DAB1: variants seen among roughly 807,000 people sequenced by gnomAD.
DAB1 encodes the protein DAB adaptor protein 1, also known as disabled homolog 1.
A neutral mutation model predicts 64.6 loss-of-function variants in DAB1; 15 were observed. That is an observed-to-expected ratio of 0.23 (90% confidence interval 0.16 to 0.36). The LOEUF is 0.36. Among genes scored for constraint, DAB1 ranks in the 10% least tolerant of loss-of-function variants. The pLI is 1.00. For missense variants in DAB1, 596 were observed against 706.7 expected, an observed-to-expected ratio of 0.84 and a Z score of 1.78; for synonymous variants, 235 against 251.9, an observed-to-expected ratio of 0.93 and a Z score of 0.64.
intron 5 of DAB1, among the ~76,000 whole-genome samples, chr1:57,899,608 C>T (rs939520577): frequency 4.6e-5 from 7 of 152,094 alleles, no homozygotes; most frequent in African/African-American, 7.2e-5. Context: ...GGACCATCAC[C>T]TCTGCCACCA....
intron 14 of DAB1, among the ~76,000 whole-genome samples, chr1:57,002,748 G>A (rs1385592486): frequency 2.0e-5 from 3 of 152,150 alleles, no homozygotes; most frequent in Admixed American, 6.5e-5. Context: ...TTGCTGTGGG[G>A]GTGGGCCTGC....
At chr1:57,704,367 T>A (rs1646941069) in intron 6 of DAB1, among the ~76,000 whole-genome samples, 1 of 152,174 alleles carries the variant, frequency 6.6e-6, no homozygotes, top group South Asian at 2.1e-4. Context: ...CCATCTGATG[T>A]AACTAATTTA....
chr1:57,211,411 C>G (rs1489629177), intron 2 of DAB1, among the ~76,000 whole-genome samples: 1 of 152,118 alleles, frequency 6.6e-6, no homozygotes, highest in Non-Finnish European at 1.5e-5. Flanking sequence ...AAAGTCTGTT[C>G]TCTTCTCATT....
intron 1 of DAB1, among the ~76,000 whole-genome samples, chr1:57,337,582 A>G (rs1384821297): frequency 6.6e-6 from 1 of 152,172 alleles, no homozygotes; most frequent in Non-Finnish European, 1.5e-5. Flanking sequence ...TGAACACTTT[A>G]TAATGTACCC....
At chr1:58,101,676 G>C (rs821530) in intron 5 of DAB1, among the ~76,000 whole-genome samples, 35,245 of 152,144 alleles carry the variant, frequency 0.23, 4,565 homozygotes, top group East Asian at 0.39. Context: ...ATATGACTTA[G>C]GGCCAGTCAC....
Position 58,134,735 on chromosome 1 carries a change from A to G in DAB1, n.387+15776T>C, listed in dbSNP as rs576711205. Among the ~76,000 whole-genome samples, 3 of 152,266 alleles carry G rather than the reference A, an allele frequency of 2.0e-5. No individual in the cohort carries two copies. In the East Asian group the frequency reaches 5.8e-4, roughly 30 times the overall value. On this transcript the variant is annotated intron_variant and non_coding_transcript_variant, in intron 5 of 20. Coordinates refer to the DAB1 transcript ENST00000485760. Reference sequence around the variant, plus strand: ...TCTATCACGAGAAAGCACTAGCAGGATGGTGCTAAACCATTAGAAACCACC... The same window carrying G: ...TCTATCACGAGAAAGCACTAGCAGGGTGGTGCTAAACCATTAGAAACCACC...
rs59875214 is a variant in DAB1 at position 58,335,617 on chromosome 1, C to CAGGAAGCTAGCACACT, written n.309+7734_309+7735insAGTGTGCTAGCTTCCT. ...GGCCAGGGTGGAAACGGGGGATAACCAGGAAGCTAGCCATGCAAGGGATTG... is the reference window on the plus strand; with the variant it reads ...GGCCAGGGTGGAAACGGGGGATAACCAGGAAGCTAGCACACTAGGAAGCTAGCCATGCAAGGGATTG... On this transcript the variant is annotated intron_variant and non_coding_transcript_variant, in intron 4 of 20. Transcript: ENST00000485760. Among the ~76,000 whole-genome samples, 444 of 151,234 alleles carry CAGGAAGCTAGCACACT rather than the reference C, an allele frequency of 2.9e-3. 2 individuals carry two copies. The highest frequency in any genetic ancestry group is 9.5e-3 in the African/African-American group (386 of 40,690).
intron 6 of DAB1, among the ~76,000 whole-genome samples, chr1:57,662,711 G>T (rs113292638): frequency 9.0e-4 from 137 of 152,324 alleles, no homozygotes; most frequent in African/African-American, 3.1e-3. Flanking sequence ...GATTAGTATA[G>T]TCCAGATAGG....
intron 3 of DAB1, among the ~76,000 whole-genome samples, chr1:58,364,262 G>A (rs1302387359): frequency 1.3e-5 from 2 of 152,234 alleles, no homozygotes; most frequent in African/African-American, 4.8e-5. Context: ...AGTAGGAAGA[G>A]AGGTTGGAAA....
intron 5 of DAB1, among the ~76,000 whole-genome samples, chr1:58,014,400 T>C (rs1646710784): frequency 6.6e-6 from 1 of 152,224 alleles, no homozygotes; most frequent in Non-Finnish European, 1.5e-5. Flanking sequence ...TGGATATTAA[T>C]CCTCCAGGAT....
chr1:58,190,529 ATTC>A (rs1374811464), intron 4 of DAB1, among the ~76,000 whole-genome samples: 2 of 152,144 alleles, frequency 1.3e-5, no homozygotes, highest in Non-Finnish European at 2.9e-5. Flanking sequence ...CCTTTCCTGA[ATTC>A]TTCTTTTTTT....
chr1:57,574,623 T>C (rs1645229423), intron 7 of DAB1, among the ~76,000 whole-genome samples: 1 of 152,182 alleles, frequency 6.6e-6, no homozygotes, highest in Non-Finnish European at 1.5e-5. Context: ...CTCTCCAGGC[T>C]TGTGTCCTAG....
intron 7 of DAB1, among the ~76,000 whole-genome samples, chr1:57,591,768 C>G (rs1645448078): frequency 6.6e-6 from 1 of 152,182 alleles, no homozygotes; most frequent in Non-Finnish European, 1.5e-5. Context: ...TTTGCCACTA[C>G]CAGTGCACAT....
chr1:58,238,848 G>A (rs1411753425), intron 4 of DAB1, among the ~76,000 whole-genome samples: 1 of 152,118 alleles, frequency 6.6e-6, no homozygotes, highest in Non-Finnish European at 1.5e-5. Context: ...CTTCTGCATG[G>A]GAACCAGAAG....
chr1:58,052,419 C>G (rs1333030171), intron 5 of DAB1, among the ~76,000 whole-genome samples: 1 of 152,158 alleles, frequency 6.6e-6, no homozygotes, highest in Non-Finnish European at 1.5e-5. Context: ...TGTTTTGGTA[C>G]CAGTACCATG....
chr1:57,179,644 G>A (rs1302910062), intron 2 of DAB1, among the ~76,000 whole-genome samples: 1 of 152,038 alleles, frequency 6.6e-6, no homozygotes, highest in African/African-American at 2.4e-5. Flanking sequence ...TTTTATTACT[G>A]AAATCATCAA....
At chr1:57,145,223 G>A in intron 3 of DAB1, 67 bp downstream of exon 3, 1 of 1,461,714 alleles carries the variant, frequency 6.8e-7, no homozygotes, top group Non-Finnish European at 9.5e-7. Context: ...CAATTATGAT[G>A]GTAATCACTT....
rs1399510534 is a variant in DAB1, at chr1:57,053,660, C to CTCTCTCTA, written c.723+9223_723+9224insTAGAGAGA. On this transcript the variant is annotated intron_variant, in intron 9 of 14. Coordinates refer to ENST00000371236, the MANE Select transcript of DAB1 (RefSeq NM_001365792.1). Reference sequence around the variant, plus strand: ...TCTAAGAATCTCTCTCTCTCTCTCTCTATATGTATATATATATATATATAT... The same window carrying CTCTCTCTA: ...TCTAAGAATCTCTCTCTCTCTCTCTCTCTCTCTATATATGTATATATATATATATATAT... Among the ~76,000 whole-genome samples the CTCTCTCTA allele has an allele frequency of 6.9e-3, 802 of 116,644 alleles. 8 individuals carry two copies. The highest frequency in any genetic ancestry group is 0.019 in the African/African-American group (559 of 30,106). The allele number at this position is 116,644 out of a possible 152,430, so 76.5% of individuals were successfully genotyped here.
rs1491236249 is a variant in DAB1 at position 57,636,115 on chromosome 1, A to AAAC, written n.625+13476_625+13477insGTT. ...CGGTCTCAAAAAAAAAAAAAAAAACAAAAACAAAAAACTGGTGCCCTTATA... is the reference window on the plus strand; with the variant it reads ...CGGTCTCAAAAAAAAAAAAAAAAACAAACAAAACAAAAAACTGGTGCCCTTATA... On this transcript the variant is annotated intron_variant and non_coding_transcript_variant, in intron 7 of 20. Coordinates refer to the DAB1 transcript ENST00000485760. Among the ~76,000 whole-genome samples the AAAC allele has an allele frequency of 9.6e-4, 140 of 145,130 alleles. 1 individual carries two copies. Among genetic ancestry groups the AAAC allele is most frequent in the Non-Finnish European group, 1.4e-3 (94 of 66,070 alleles).
Sources: gnomAD v4.1 joint callset for allele counts (sites outside exome capture counted in the v4.1 genomes callset) on GRCh38, gnomAD v4.1.1 for gene constraint, MANE v1.5 for transcripts, NCBI Gene and HGNC (gene_info 2026-07-23, HGNC 2026-07-21) for gene names.